The following SNTG1 variants were observed in gnomAD, a reference collection of about 807,000 sequenced individuals.
The protein encoded by SNTG1 is gamma-1-syntrophin.
SNTG1 carries 39 observed loss-of-function variants against 74.7 expected under a neutral mutation model. That is an observed-to-expected ratio of 0.52 (90% confidence interval 0.40 to 0.68). SNTG1 has a LOEUF of 0.68. SNTG1 is among the 30% of genes least tolerant of loss of function. The probability of loss-of-function intolerance (pLI) is 0.00; values close to 1 mark genes in which losing one functional copy is unlikely to be tolerated. For missense variants in SNTG1, 685 were observed against 609.5 expected (o/e 1.12, Z -1.30); for synonymous variants, 254 against 217.1 (o/e 1.17, Z -1.49).
chr8:50,570,547 C>T (rs1289129513), intron 12 of SNTG1, among the ~76,000 whole-genome samples: 1 of 147,350 alleles, frequency 6.8e-6, no homozygotes, highest in Non-Finnish European at 1.5e-5. Context: ...GGTGAGCCAC[C>T]ACGTCCAGCC....
chr8:50,345,300 T>C (rs935095543), intron 2 of SNTG1, among the ~76,000 whole-genome samples: 3 of 152,112 alleles, frequency 2.0e-5, no homozygotes, highest in Admixed American at 6.5e-5. Context: ...TACTAGCCCA[T>C]AGATATTCTG....
Position 50,746,775 on chromosome 8 carries a change from C to T in SNTG1, c.1285-5226C>T, listed in dbSNP as rs192006903. 3.9e-3 allele frequency among the ~76,000 whole-genome samples: 576 copies of T among 149,200 alleles called. 2 individuals are homozygous for T. Among genetic ancestry groups the T allele is most frequent in the African/African-American group, 0.014 (556 of 40,898 alleles). ...GATATGAACTTTCTGATTGTCTTAACATTTTTGTAAGTCATATATATGTAT... is the reference window on the plus strand; with the variant it reads ...GATATGAACTTTCTGATTGTCTTAATATTTTTGTAAGTCATATATATGTAT... On this transcript the variant is annotated intron_variant, in intron 17 of 18. Transcript: ENST00000642720.
intron 1 of SNTG1, among the ~76,000 whole-genome samples, chr8:49,963,804 G>A (rs1322710470): frequency 6.6e-6 from 1 of 152,200 alleles, no homozygotes; most frequent in African/African-American, 2.4e-5. Context: ...GAACTTCACA[G>A]AGACTTCATT....
intron 2 of SNTG1, among the ~76,000 whole-genome samples, chr8:50,245,622 G>T (rs2086363420): frequency 6.6e-6 from 1 of 152,138 alleles, no homozygotes; most frequent in African/African-American, 2.4e-5. Context: ...GGCGGAGGTT[G>T]CCATGAGCCG....
intron 2 of SNTG1, among the ~76,000 whole-genome samples, chr8:50,228,038 G>A (rs1368069163): frequency 6.6e-6 from 1 of 151,124 alleles, no homozygotes. Flanking sequence ...ATCAAATGGA[G>A]AATTTAAAAA....
intron 5 of SNTG1, among the ~76,000 whole-genome samples, chr8:50,449,326 C>T (rs1262702311): frequency 6.6e-6 from 1 of 152,164 alleles, no homozygotes; most frequent in Middle Eastern, 3.2e-3. Flanking sequence ...AGCAGGATAA[C>T]AGTAATATAT....
chr8:50,603,541 T>G (rs1307763611), intron 13 of SNTG1, among the ~76,000 whole-genome samples: 1 of 152,214 alleles, frequency 6.6e-6, no homozygotes, highest in Non-Finnish European at 1.5e-5. Flanking sequence ...TTGGAGAAGT[T>G]ATGTTTTCCT....
rs112895244 is a variant in SNTG1, at chr8:50,553,124, G to A, written c.755G>A (p.Cys252Tyr). 7 of 1,613,814 alleles carry A rather than the reference G, an allele frequency of 4.3e-6. No homozygotes were observed. Among genetic ancestry groups the A allele is most frequent in the African/African-American group, 2.7e-5 (2 of 74,924 alleles). Residue 252 changes from cysteine (C) to tyrosine (Y), a missense_variant, in exon 12 of 19, where the codon TGC becomes TAC. Physicochemically the swap from Cys to Tyr is radical, Grantham distance 194. Coordinates refer to ENST00000642720, the MANE Select transcript of SNTG1 (RefSeq NM_018967.5). The part of the protein sequence containing the change: ...GIIQCLSAED[C>Y]VDWLQAIATN... ...ATTCAGTGCCTCTCTGCTGAAGACT[G>A]CGTTGACTGGCTACAAGCAATAGCA...
intron 12 of SNTG1, among the ~76,000 whole-genome samples, chr8:50,587,038 G>A (rs1178127963): frequency 1.3e-5 from 2 of 151,878 alleles, no homozygotes; most frequent in Non-Finnish European, 2.9e-5. Context: ...GTCTACTTAT[G>A]TATGCACATT....
chr8:50,218,418 G>A lies in SNTG1; in HGVS notation c.-28+45783G>A, dbSNP rs576501294. 1.2e-4 allele frequency among the ~76,000 whole-genome samples: 19 copies of A among 152,136 alleles called. No individual in the cohort carries two copies. In the South Asian group the frequency reaches 3.9e-3, roughly 32 times the overall value. On this transcript the variant is annotated intron_variant, in intron 2 of 18. Coordinates refer to ENST00000642720, the MANE Select transcript of SNTG1 (RefSeq NM_018967.5). ...AGTTCAGCATTTATACTCATTGTGT[G>A]GTTGTTATATATTTAAGTTTATTTA...
chr8:50,766,047 T>G (rs1488665547), intron 18 of SNTG1, among the ~76,000 whole-genome samples: 3 of 151,942 alleles, frequency 2.0e-5, no homozygotes, highest in Admixed American at 6.6e-5. Flanking sequence ...TGCTGCTAAA[T>G]TATGAGTTGC....
chr8:50,197,554 G>T (rs1252749275), intron 2 of SNTG1, among the ~76,000 whole-genome samples: 3 of 152,132 alleles, frequency 2.0e-5, no homozygotes, highest in African/African-American at 7.2e-5. Flanking sequence ...GAATATCCTT[G>T]CATACTTTCC....
chr8:50,063,377 T>A (rs997284313), intron 1 of SNTG1, among the ~76,000 whole-genome samples: 2 of 152,174 alleles, frequency 1.3e-5, no homozygotes, highest in Middle Eastern at 3.2e-3. Context: ...GTATCTTCTA[T>A]CAAAAGACAC....
At chr8:50,033,786 G>T (rs1454803124) in intron 1 of SNTG1, among the ~76,000 whole-genome samples, 4 of 152,058 alleles carry the variant, frequency 2.6e-5, no homozygotes, top group East Asian at 3.9e-4. Context: ...CTTTTTAATG[G>T]CCCCATCTTC....
At chr8:50,409,794 G>A (rs988466891) in intron 4 of SNTG1, among the ~76,000 whole-genome samples, 3 of 152,088 alleles carry the variant, frequency 2.0e-5, no homozygotes, top group African/African-American at 7.2e-5. Context: ...GGTAAATGAG[G>A]GTAAAATCAA....
intron 1 of SNTG1, among the ~76,000 whole-genome samples, chr8:50,044,120 C>G (rs1563515179): frequency 6.6e-6 from 1 of 152,068 alleles, no homozygotes; most frequent in Non-Finnish European, 1.5e-5. Flanking sequence ...CCCTCTTTTT[C>G]GCCAGGGGTT....
At chr8:49,919,663 T>C (rs979654993) in intron 1 of SNTG1, among the ~76,000 whole-genome samples, 1 of 152,090 alleles carries the variant, frequency 6.6e-6, no homozygotes, top group Admixed American at 6.6e-5. Flanking sequence ...AAATGAATAA[T>C]ATGAAAAGGA....
intron 13 of SNTG1, among the ~76,000 whole-genome samples, chr8:50,636,105 C>A (rs1013441911): frequency 9.7e-6 from 1 of 103,516 alleles, no homozygotes; most frequent in Admixed American, 1.0e-4. Context: ...AGAATGGGTT[C>A]CTCATGACTC....
chr8:50,401,076 A>G (rs149565512), intron 3 of SNTG1, among the ~76,000 whole-genome samples: 19 of 152,228 alleles, frequency 1.2e-4, no homozygotes, highest in Non-Finnish European at 1.9e-4. Flanking sequence ...AATACTTACT[A>G]TGTGCTAAAT....
Sources: gnomAD v4.1 joint callset for allele counts (sites outside exome capture counted in the v4.1 genomes callset) on GRCh38, gnomAD v4.1.1 for gene constraint, MANE v1.5 for transcripts, NCBI Gene and HGNC (gene_info 2026-07-23, HGNC 2026-07-21) for gene names.